The following CSMD1 variants were observed in gnomAD, a reference collection of about 807,000 sequenced individuals.
The protein encoded by CSMD1 is CUB and Sushi multiple domains 1, also known as CUB and sushi domain-containing protein 1.
A neutral mutation model predicts 417.5 loss-of-function variants in CSMD1; 213 were observed. The ratio of observed to expected loss-of-function variants is 0.51; its 90% CI spans 0.46 to 0.57. The LOEUF (loss-of-function observed/expected upper bound fraction) is 0.57, where lower values mean the gene tolerates loss of function less well. CSMD1 is among the 20% of genes least tolerant of loss of function. The probability of loss-of-function intolerance (pLI) is 0.00; values close to 1 mark genes in which losing one functional copy is unlikely to be tolerated. For synonymous variants in CSMD1, 2,862 were observed against 1,736.8 expected, an observed-to-expected ratio of 1.65 and a Z score of -16.11; for missense variants, 6,923 against 4,529.7, an observed-to-expected ratio of 1.53 and a Z score of -15.17.
rs1353582518 is a variant in CSMD1, at chr8:3,260,491, C to T, written c.4153+23653G>A. On this transcript the variant is annotated intron_variant, in intron 26 of 69. Transcript: ENST00000635120. Reference sequence around the variant, plus strand: ...AAAGACAGTGGCATGGATACAAGAACGTTCCACCTAATTAAGGATAAACAT... The same window carrying T: ...AAAGACAGTGGCATGGATACAAGAATGTTCCACCTAATTAAGGATAAACAT... Among the ~76,000 whole-genome samples the T allele has an allele frequency of 5.9e-5, 9 of 152,188 alleles. No individual in the cohort carries two copies. In the East Asian group the frequency reaches 1.7e-3, roughly 30 times the overall value.
intron 21 of CSMD1, among the ~76,000 whole-genome samples, chr8:3,354,519 A>T (rs1245252151): frequency 6.6e-6 from 1 of 152,204 alleles, no homozygotes; most frequent in Non-Finnish European, 1.5e-5. Flanking sequence ...GCAACAAATA[A>T]GTAAATCTTG....
intron 2 of CSMD1, among the ~76,000 whole-genome samples, chr8:4,542,077 T>G (rs534630565): frequency 1.4e-4 from 22 of 152,234 alleles, no homozygotes; most frequent in African/African-American, 5.3e-4. Flanking sequence ...CCCTCTAGCT[T>G]CTTACCAAGT....
chr8:4,767,411 A>C (rs1812537403), intron 1 of CSMD1, among the ~76,000 whole-genome samples: 1 of 152,144 alleles, frequency 6.6e-6, no homozygotes, highest in Non-Finnish European at 1.5e-5. Context: ...CCTGTGCACT[A>C]TCATTCTCAT....
At chr8:4,726,369 C>A (rs1809446695) in intron 1 of CSMD1, among the ~76,000 whole-genome samples, 1 of 151,874 alleles carries the variant, frequency 6.6e-6, no homozygotes, top group Admixed American at 6.6e-5. Flanking sequence ...TCACCAAAAG[C>A]TTTCTCTTCT....
intron 7 of CSMD1, among the ~76,000 whole-genome samples, chr8:3,675,372 C>T (rs576472581): frequency 1.3e-5 from 2 of 152,164 alleles, no homozygotes; most frequent in Non-Finnish European, 2.9e-5. Context: ...AAGGCCTCAG[C>T]AATGTGGGCT....
chr8:4,511,807 A>G (rs1177655380), intron 2 of CSMD1, among the ~76,000 whole-genome samples: 2 of 152,188 alleles, frequency 1.3e-5, no homozygotes, highest in Non-Finnish European at 2.9e-5. Context: ...AGGGGTCTAC[A>G]CATTATGAGT....
intron 5 of CSMD1, among the ~76,000 whole-genome samples, chr8:3,947,876 G>T (rs1158292033): frequency 6.6e-6 from 1 of 152,140 alleles, no homozygotes; most frequent in Non-Finnish European, 1.5e-5. Context: ...TTCAACTTAT[G>T]TCTACCTGTT....
intron 3 of CSMD1, among the ~76,000 whole-genome samples, chr8:4,382,045 G>C (rs555789687): frequency 2.6e-5 from 4 of 152,098 alleles, no homozygotes; most frequent in African/African-American, 4.8e-5. Context: ...TCTGTTATGC[G>C]ACACCAGAAC....
At chr8:3,497,655 C>A (rs1009243505) in intron 10 of CSMD1, among the ~76,000 whole-genome samples, 6 of 152,170 alleles carry the variant, frequency 3.9e-5, no homozygotes, top group African/African-American at 7.2e-5. Flanking sequence ...TGGACTATCT[C>A]TTGTAATGTC....
intron 31 of CSMD1, among the ~76,000 whole-genome samples, chr8:3,202,639 G>A (rs903941957): frequency 6.6e-6 from 1 of 152,130 alleles, no homozygotes; most frequent in Non-Finnish European, 1.5e-5. Context: ...ATCATTCTAA[G>A]CCATTATAAA....
intron 3 of CSMD1, among the ~76,000 whole-genome samples, chr8:4,062,317 A>T (rs1318190203): frequency 6.6e-6 from 1 of 152,034 alleles, no homozygotes; most frequent in African/African-American, 2.4e-5. Context: ...GGACTTCTAA[A>T]TAATATGGTC....
At position 3,840,004 on chromosome 8, in the gene CSMD1, C is replaced by G. The variant is rs537429783; in HGVS notation, c.819-85962G>C. 2.6e-5 allele frequency among the ~76,000 whole-genome samples: 4 copies of G among 152,212 alleles called. No homozygotes were observed. In the South Asian group the frequency reaches 6.2e-4, roughly 24 times the overall value. ...TGAAGGATGCATTTAAAGGTCATGTCAAAGCTAAGCTCCTAAGAGTCCTAT... is the reference window on the plus strand; with the variant it reads ...TGAAGGATGCATTTAAAGGTCATGTGAAAGCTAAGCTCCTAAGAGTCCTAT... On this transcript the variant is annotated intron_variant, in intron 5 of 69. Transcript: ENST00000635120.
chr8:4,355,062 A>C (rs1801338179), intron 3 of CSMD1, among the ~76,000 whole-genome samples: 1 of 151,928 alleles, frequency 6.6e-6, no homozygotes, highest in Non-Finnish European at 1.5e-5. Flanking sequence ...GGAGATCGAG[A>C]CCATCCTGGC....
At chr8:3,672,591 T>C (rs1468409978) in intron 7 of CSMD1, among the ~76,000 whole-genome samples, 1 of 152,216 alleles carries the variant, frequency 6.6e-6, no homozygotes, top group African/African-American at 2.4e-5. Context: ...ATAATGTGTT[T>C]ACATTTGGCC....
chr8:3,956,685 G>A (rs768681595), intron 5 of CSMD1, among the ~76,000 whole-genome samples: 1 of 152,154 alleles, frequency 6.6e-6, no homozygotes, highest in Non-Finnish European at 1.5e-5. Context: ...ACTACCCGAT[G>A]TGGCAGAACC....
intron 7 of CSMD1, among the ~76,000 whole-genome samples, chr8:3,701,049 C>G (rs1393636231): frequency 1.3e-5 from 2 of 151,618 alleles, no homozygotes; most frequent in Admixed American, 6.6e-5. Context: ...TCAGGGCTCA[C>G]CAAGAGGCCG....
intron 26 of CSMD1, among the ~76,000 whole-genome samples, chr8:3,264,820 T>C (rs1801315496): frequency 6.6e-6 from 1 of 151,928 alleles, no homozygotes; most frequent in Non-Finnish European, 1.5e-5. Flanking sequence ...TTGCCTACTG[T>C]AAAAACTATA....
At chr8:3,395,233 C>G (rs909263363) in intron 17 of CSMD1, among the ~76,000 whole-genome samples, 3 of 152,116 alleles carry the variant, frequency 2.0e-5, no homozygotes, top group Admixed American at 2.0e-4. Flanking sequence ...TGAGATAAAG[C>G]TCTGAAAAAG....
chr8:4,099,453 T>C (rs1801191720), intron 3 of CSMD1, among the ~76,000 whole-genome samples: 1 of 152,124 alleles, frequency 6.6e-6, no homozygotes. Context: ...ACACCATTCC[T>C]AAGCCTCCAA....
Sources: gnomAD v4.1 joint callset for allele counts (sites outside exome capture counted in the v4.1 genomes callset) on GRCh38, gnomAD v4.1.1 for gene constraint, MANE v1.5 for transcripts, NCBI Gene and HGNC (gene_info 2026-07-23, HGNC 2026-07-21) for gene names.